The following WDR86 variants were observed in gnomAD, a reference collection of about 807,000 sequenced individuals.
WDR86 encodes WD repeat domain 86.
In WDR86, 30 loss-of-function variants were observed where a neutral mutation model predicts 36.5. The observed-to-expected ratio is 0.82, with a 90% confidence interval of 0.61 to 1.11. The LOEUF (loss-of-function observed/expected upper bound fraction) is 1.11, where lower values mean the gene tolerates loss of function less well. WDR86 is among the 50% of genes most tolerant of loss of function. The pLI, the probability that WDR86 is intolerant of heterozygous loss-of-function variation, is 0.00. For synonymous variants in WDR86, 255 were observed against 252.9 expected (o/e 1.01, Z -0.08); for missense variants, 545 against 561.2 (o/e 0.97, Z 0.29).
chr7:151,381,545 G>A lies in WDR86; in HGVS notation c.*37C>T, dbSNP rs546179144. 4.3e-6 allele frequency: 6 copies of A among 1,393,384 alleles called. No individual in the cohort carries two copies. In the South Asian group the frequency reaches 9.6e-5, roughly 22 times the overall value. 86.3% of individuals were successfully genotyped at this position (1,393,384 alleles called of 1,614,324 possible). A position where few individuals can be genotyped will look rare whatever the true frequency, so the allele number is the denominator to read the frequency against. On this transcript the variant is annotated 3_prime_UTR_variant, in exon 6 of 6. Transcript: ENST00000334493. This position sits in a 1 kb window ranked among gnomAD's most constrained non-coding sequence, Gnocchi z 4.8. Reference sequence around the variant, plus strand: ...AGGGCGGGGCGCTCTGGGAGCCGCTGGGTGTCTGGGCTGGCGTCTGCAGGG... The same window carrying A: ...AGGGCGGGGCGCTCTGGGAGCCGCTAGGTGTCTGGGCTGGCGTCTGCAGGG...
chr7:151,403,437 G>A (rs902863313), intron 1 of WDR86, among the ~76,000 whole-genome samples: 3 of 152,134 alleles, frequency 2.0e-5, no homozygotes, highest in African/African-American at 7.2e-5. Context: ...CTGGTATTGG[G>A]TAGACAGGGA....
chr7:151,375,888 C>T, downstream of WDR86: 1 of 1,613,324 alleles, frequency 6.2e-7, no homozygotes, highest in Admixed American at 1.7e-5. Flanking sequence ...TTAAATGATT[C>T]CAATCCTGAA....
chr7:151,383,980 G>C (rs1798796641), intron 4 of WDR86, among the ~76,000 whole-genome samples: 1 of 152,212 alleles, frequency 6.6e-6, no homozygotes, highest in African/African-American at 2.4e-5. Flanking sequence ...CCCAGACTTG[G>C]GAACAGAGCC....
intron 3 of WDR86, among the ~76,000 whole-genome samples, chr7:151,391,140 G>C (rs1001951730): frequency 9.8e-5 from 15 of 152,372 alleles, no homozygotes; most frequent in Admixed American, 9.1e-4. Flanking sequence ...TCTGATGAAG[G>C]CTGTGGCGGC....
the WDR86 span, among the ~76,000 whole-genome samples, chr7:151,370,093 A>G: frequency 1.3e-5 from 2 of 150,658 alleles, no homozygotes; most frequent in Non-Finnish European, 3.0e-5. Flanking sequence ...TGAAAAGCTG[A>G]GTTCTTTTTT....
intron 4 of WDR86, 30 bp from the exon 5 acceptor site, chr7:151,382,011 C>T (rs777938193): frequency 3.2e-6 from 5 of 1,559,638 alleles, no homozygotes; most frequent in African/African-American, 2.7e-5. Flanking sequence ...GCTGGGCCTC[C>T]CTCCCTGCTC....
At position 151,409,590 on chromosome 7, in the gene WDR86, C is replaced by A; in HGVS notation, c.-1G>T. 1 of 1,382,668 alleles carries A rather than the reference C, an allele frequency of 7.2e-7. No homozygotes were observed. The allele number at this position is 1,382,668 out of a possible 1,614,324, so 85.6% of individuals were successfully genotyped here. ...TCAGGGCCGACCCGCCGCCCCCCAT[C>A]CCGCTGGCAGGGCGGGGAACAAGAA... On this transcript the variant is annotated 5_prime_UTR_variant, in exon 1 of 6. Transcript: ENST00000334493. This position sits in a 1 kb window ranked among gnomAD's most constrained non-coding sequence, Gnocchi z 5.2.
chr7:151,408,971 A>G (rs1414602128), intron 1 of WDR86: 3 of 474,110 alleles, frequency 6.3e-6, no homozygotes, highest in South Asian at 3.1e-5. Context: ...GGCCCTTAAC[A>G]AGCGTCTACT....
chr7:151,376,004 A>G, exon 2 of WDR86: 2 of 1,057,882 alleles, frequency 1.9e-6, no homozygotes, highest in Non-Finnish European at 3.0e-6. Context: ...GCTTGGGGTA[A>G]CCCGGGTGAA....
At position 151,409,999 on chromosome 7, in the gene WDR86, C is replaced by T. The variant is rs978677546; in HGVS notation, c.-410G>A. 2.0e-6 allele frequency: 2 copies of T among 1,000,164 alleles called. No homozygotes were observed. Among genetic ancestry groups the T allele is most frequent in the Non-Finnish European group, 2.4e-6 (2 of 840,202 alleles). The allele number at this position is 1,000,164 out of a possible 1,614,324, so 62.0% of individuals were successfully genotyped here. On this transcript the variant is annotated 5_prime_UTR_variant, in exon 1 of 6. Transcript: ENST00000334493. This position sits in a 1 kb window ranked among gnomAD's most constrained non-coding sequence, Gnocchi z 5.2. ...GGGGAGAGGAACACGGGAAGCCGAG[C>T]GCCCCGCGCCCTCCCCGGCCGAGCG...
intron 2 of WDR86, among the ~76,000 whole-genome samples, chr7:151,399,813 T>C (rs957107177): frequency 1.3e-5 from 2 of 152,240 alleles, no homozygotes; most frequent in African/African-American, 4.8e-5. Context: ...CTGGTGCTTT[T>C]CCCTGCACCC....
At chr7:151,391,114 C>T (rs548058415) in intron 3 of WDR86, among the ~76,000 whole-genome samples, 12 of 152,338 alleles carry the variant, frequency 7.9e-5, no homozygotes, top group South Asian at 2.1e-4. Flanking sequence ...AGATCGTGAG[C>T]GGCACTTCCA....
Position 151,409,574 on chromosome 7 carries a change from A to C in WDR86, c.16T>G (p.Ser6Ala), listed in dbSNP as rs1801044641. 4.3e-6 allele frequency: 6 copies of C among 1,409,048 alleles called. No homozygotes were observed. The highest frequency in any genetic ancestry group is 5.5e-6 in the Non-Finnish European group (6 of 1,084,184). 87.3% of individuals were successfully genotyped at this position (1,409,048 alleles called of 1,614,324 possible). A position where few individuals can be genotyped will look rare whatever the true frequency, so the allele number is the denominator to read the frequency against. ...TGGTCGGCGCAGACCCTCAGGGCCG[A>C]CCCGCCGCCCCCCATCCCGCTGGCA... MGGGG[S>A]ALRVCADHRG... is the part of the protein sequence containing the mutation. Residue 6 changes from serine to alanine, a missense_variant, in exon 1 of 6, where the codon TCG becomes GCG. By Grantham distance (99) the Ser-to-Ala change is moderately conservative. Transcript: ENST00000334493. This position sits in a 1 kb window ranked among gnomAD's most constrained non-coding sequence, Gnocchi z 5.2.
chr7:151,387,418 C>T (rs754238659), intron 3 of WDR86, among the ~76,000 whole-genome samples: 3 of 152,176 alleles, frequency 2.0e-5, no homozygotes, highest in Non-Finnish European at 4.4e-5. Context: ...GCCGAGGGGG[C>T]GCTCCCAGCC....
chr7:151,407,372 G>A (rs562721488), intron 1 of WDR86, among the ~76,000 whole-genome samples: 6 of 152,224 alleles, frequency 3.9e-5, no homozygotes, highest in Admixed American at 6.5e-5. Context: ...CAGAGCTGCC[G>A]TGGGGGCAAA....
downstream of WDR86, chr7:151,374,001 T>C: frequency 7.2e-7 from 1 of 1,385,192 alleles, no homozygotes; most frequent in Non-Finnish European, 9.6e-7. Flanking sequence ...TTTTTTGGCT[T>C]TGCCTGGAAA....
downstream of WDR86, among the ~76,000 whole-genome samples, chr7:151,375,470 C>T (rs563856433): frequency 5.3e-5 from 8 of 152,200 alleles, no homozygotes; most frequent in Non-Finnish European, 1.2e-4. Flanking sequence ...AACCCTACTA[C>T]CTGCCTGACA....
chr7:151,375,489 C>G (rs1798173402), downstream of WDR86, among the ~76,000 whole-genome samples: 1 of 152,210 alleles, frequency 6.6e-6, no homozygotes. Flanking sequence ...CATTTTAAGT[C>G]TAGAGGGCAT....
intron 4 of WDR86, among the ~76,000 whole-genome samples, chr7:151,382,783 A>G (rs1267313750): frequency 3.9e-5 from 6 of 152,134 alleles, no homozygotes; most frequent in Admixed American, 3.9e-4. Flanking sequence ...GTCCCAGGAA[A>G]CGCTCACAGG....
Sources: allele counts gnomAD v4.1 joint callset (sites outside exome capture counted in the v4.1 genomes callset), GRCh38; gene constraint gnomAD v4.1.1; non-coding constraint Gnocchi (gnomAD v3.1); transcripts MANE v1.5; gene names NCBI Gene and HGNC (gene_info 2026-07-23, HGNC 2026-07-21).